Variants in IQCK observed in about 807,000 individuals in gnomAD.
The protein encoded by IQCK is IQ motif containing K, also known as IQ domain-containing protein K.
In IQCK, 29 loss-of-function variants were observed where a neutral mutation model predicts 28.1. The ratio of observed to expected loss-of-function variants is 1.03; its 90% CI spans 0.77 to 1.41. The LOEUF (loss-of-function observed/expected upper bound fraction) is 1.41. Ranked by LOEUF, IQCK falls within the 40% of genes most tolerant of loss-of-function variation. The pLI is 0.00. For missense variants in IQCK, 359 were observed against 314.7 expected, an observed-to-expected ratio of 1.14 and a Z score of -1.07; for synonymous variants, 113 against 115.1, an observed-to-expected ratio of 0.98 and a Z score of 0.12.
intron 9 of IQCK, among the ~76,000 whole-genome samples, chr16:19,844,572 C>A (rs990994481): frequency 2.6e-5 from 4 of 152,172 alleles, no homozygotes; most frequent in Non-Finnish European, 5.9e-5. Context: ...GATCAGTGAT[C>A]TTTTCTAAAA....
chr16:19,757,436 G>T (rs2055068922), intron 4 of IQCK, among the ~76,000 whole-genome samples: 1 of 152,214 alleles, frequency 6.6e-6, no homozygotes, highest in South Asian at 2.1e-4. Flanking sequence ...ACTTTGGGAG[G>T]CCGAGGCGGG....
At chr16:19,756,058 C>A (rs1242653144) in intron 4 of IQCK, among the ~76,000 whole-genome samples, 1 of 152,180 alleles carries the variant, frequency 6.6e-6, no homozygotes, top group Non-Finnish European at 1.5e-5. Flanking sequence ...GTGTTGCATA[C>A]CTGTAGTCCC....
At chr16:19,814,220 CAA>C (rs71146272) in intron 7 of IQCK, among the ~76,000 whole-genome samples, 7 of 19,436 alleles carry the variant, frequency 3.6e-4, no homozygotes, top group Middle Eastern at 0.062. Context: ...AACTCTATCT[CAA>C]AAAAAAAAAA....
chr16:19,760,114 ACT>A (rs1032578334), intron 4 of IQCK, among the ~76,000 whole-genome samples: 2 of 152,120 alleles, frequency 1.3e-5, no homozygotes, highest in African/African-American at 4.8e-5. Flanking sequence ...ACAGAGAGAG[ACT>A]CTGTCTCTAA....
In IQCK at chr16:19,761,271, T is replaced by C. The variant is rs117769821; in HGVS notation, c.475-2577T>C. The C allele has an allele frequency of 6.7e-3, 2,760 of 409,564 alleles. 77 individuals carry two copies. Among genetic ancestry groups the C allele is most frequent in the East Asian group, 0.049 (676 of 13,902 alleles). 25.4% of individuals were successfully genotyped at this position (409,564 alleles called of 1,614,324 possible). ...TCCGAAGGGGTTATACTTCACCATATGAATTTTGGGGTGATACAATTCAAC... is the reference window on the plus strand; with the variant it reads ...TCCGAAGGGGTTATACTTCACCATACGAATTTTGGGGTGATACAATTCAAC... On this transcript the variant is annotated intron_variant, in intron 4 of 7. Coordinates refer to ENST00000564186, the Ensembl canonical transcript of IQCK.
At chr16:19,786,988 A>G (rs2055572075) in intron 6 of IQCK, among the ~76,000 whole-genome samples, 1 of 80,196 alleles carries the variant, frequency 1.2e-5, no homozygotes. Flanking sequence ...AGAGCCTGGC[A>G]AAAGCACTGC....
chr16:19,745,600 G>A (rs2054899792), intron 4 of IQCK, among the ~76,000 whole-genome samples: 1 of 152,208 alleles, frequency 6.6e-6, no homozygotes, highest in African/African-American at 2.4e-5. Flanking sequence ...ATCCTGAAAT[G>A]AAATGCTTAG....
chr16:19,853,628 C>T (rs1483147253), intron 9 of IQCK, among the ~76,000 whole-genome samples: 3 of 152,042 alleles, frequency 2.0e-5, no homozygotes, highest in Non-Finnish European at 4.4e-5. Flanking sequence ...TGCCAGCTAT[C>T]TCTCTCTCTC....
chr16:19,737,238 C>T (rs1472701801), intron 4 of IQCK, among the ~76,000 whole-genome samples: 1 of 151,892 alleles, frequency 6.6e-6, no homozygotes, highest in Non-Finnish European at 1.5e-5. Flanking sequence ...ATCCTAGGGT[C>T]TATAAAATTA....
At chr16:19,831,725 A>G (rs938942845), downstream of IQCK, among the ~76,000 whole-genome samples, 2 of 151,808 alleles carry the variant, frequency 1.3e-5, no homozygotes, top group East Asian at 1.9e-4. Flanking sequence ...AGTTGTTGCC[A>G]TTTTATCCAC....
chr16:19,739,827 A>G (rs567326614), intron 4 of IQCK, among the ~76,000 whole-genome samples: 2 of 151,844 alleles, frequency 1.3e-5, no homozygotes, highest in South Asian at 4.1e-4. Flanking sequence ...AAAAAAAAAG[A>G]GGAGCCCTCT....
intron 4 of IQCK, among the ~76,000 whole-genome samples, chr16:19,756,092 G>A (rs1378896077): frequency 6.6e-6 from 1 of 152,198 alleles, no homozygotes; most frequent in African/African-American, 2.4e-5. Flanking sequence ...GCTGAGGCAG[G>A]AGGATCACTT....
At chr16:19,769,803 C>T (rs1234608919) in intron 6 of IQCK, among the ~76,000 whole-genome samples, 1 of 152,110 alleles carries the variant, frequency 6.6e-6, no homozygotes, top group African/African-American at 2.4e-5. Context: ...GTTGGGGCTA[C>T]TAGTTCCAAG....
intron 4 of IQCK, chr16:19,761,641 C>T (rs2055144850): frequency 3.5e-6 from 1 of 288,870 alleles, no homozygotes; most frequent in African/African-American, 2.2e-5. Context: ...CTTTGGGTTA[C>T]AAGAACAAAC....
chr16:19,856,610 C>A, exon 10 of IQCK: 1 of 1,284,940 alleles, frequency 7.8e-7, no homozygotes, highest in Non-Finnish European at 1.1e-6. Context: ...GGAAAATGTC[C>A]AAATGATGCT....
intron 7 of IQCK, among the ~76,000 whole-genome samples, chr16:19,792,633 G>A (rs553577277): frequency 1.0e-5 from 1 of 96,444 alleles, no homozygotes; most frequent in Non-Finnish European, 1.8e-5. Flanking sequence ...GTGCGGTGGC[G>A]TGATCTCAGC....
chr16:19,772,095 A>G (rs551944586), intron 6 of IQCK, among the ~76,000 whole-genome samples: 14 of 152,336 alleles, frequency 9.2e-5, no homozygotes, highest in Admixed American at 7.8e-4. Flanking sequence ...TACTCTAGTA[A>G]AAGGTCTAGA....
At position 19,763,889 on chromosome 16, in the gene IQCK, G is replaced by C. The variant is rs767213496; in HGVS notation, c.516G>C (p.Glu172Asp). The change falls in exon 5 of 8, where the codon GAG (glutamate) becomes GAC (aspartate). Residue 172 changes from glutamate (E) to aspartate (D), a missense_variant. By Grantham distance (45) the Glu-to-Asp change is conservative. Coordinates refer to ENST00000564186, the Ensembl canonical transcript of IQCK. Reference sequence around the variant, plus strand: ...TCATTGCCTGTGATTTTCTGACTGAGTGGTTATACAAGTAAGTTGTTCGTG... The same window carrying C: ...TCATTGCCTGTGATTTTCTGACTGACTGGTTATACAAGTAAGTTGTTCGTG... 37 of 1,613,706 alleles carry C rather than the reference G, an allele frequency of 2.3e-5. No homozygotes were observed. The highest frequency in any genetic ancestry group is 2.1e-5 in the Non-Finnish European group (25 of 1,179,688).
chr16:19,810,922 A>G (rs1446299919), intron 7 of IQCK, among the ~76,000 whole-genome samples: 1 of 152,248 alleles, frequency 6.6e-6, no homozygotes, highest in African/African-American at 2.4e-5. Flanking sequence ...CTATTATGTA[A>G]TGAAAGTACT....
Sources: gnomAD v4.1 joint callset for allele counts (sites outside exome capture counted in the v4.1 genomes callset) on GRCh38, gnomAD v4.1.1 for gene constraint, MANE v1.5 for transcripts, NCBI Gene and HGNC (gene_info 2026-07-23, HGNC 2026-07-21) for gene names.